The following GALNTL6 variants were observed in gnomAD, a reference collection of about 807,000 sequenced individuals.
The protein encoded by GALNTL6 is polypeptide N-acetylgalactosaminyltransferase-like 6.
Under a neutral mutation model 73.7 loss-of-function variants are expected in GALNTL6, and 46 were observed. The observed-to-expected ratio is 0.62, with a 90% CI of 0.49 to 0.80. GALNTL6 has a LOEUF of 0.80. GALNTL6 is among the 30% of genes least tolerant of loss of function. The pLI is 0.00. For missense variants in GALNTL6, 604 were observed against 755.0 expected (o/e 0.80, Z 2.34); for synonymous variants, 259 against 263.7 (o/e 0.98, Z 0.17).
chr4:172,537,657 T>C (rs181816963), intron 5 of GALNTL6, among the ~76,000 whole-genome samples: 1 of 152,240 alleles, frequency 6.6e-6, no homozygotes, highest in Non-Finnish European at 1.5e-5. Context: ...TAAGTTTTTT[T>C]TTATATTTGT....
intron 3 of GALNTL6, among the ~76,000 whole-genome samples, chr4:172,308,052 G>A (rs1158336392): frequency 1.2e-5 from 1 of 86,300 alleles, no homozygotes; most frequent in South Asian, 4.3e-4. Flanking sequence ...TGTAACAGTG[G>A]TTAAGTTGTT....
At chr4:172,546,411 G>A (rs2110887516) in intron 5 of GALNTL6, among the ~76,000 whole-genome samples, 1 of 151,682 alleles carries the variant, frequency 6.6e-6, no homozygotes, top group East Asian at 1.9e-4. Context: ...TAAAAGTCCA[G>A]ACTCTACCAC....
intron 5 of GALNTL6, among the ~76,000 whole-genome samples, chr4:172,422,605 C>T (rs1031475209): frequency 3.3e-5 from 5 of 151,854 alleles, no homozygotes; most frequent in Admixed American, 2.6e-4. Flanking sequence ...ACTTTCATGT[C>T]ATCTAGATGA....
At chr4:171,940,864 T>TAAATAAAAA (rs35996530) in intron 2 of GALNTL6, among the ~76,000 whole-genome samples, 1 of 142,246 alleles carries the variant, frequency 7.0e-6, no homozygotes, top group Non-Finnish European at 1.5e-5. Context: ...AATAAATAAA[T>TAAATAAAAA]ATATAAGTCA....
chr4:171,972,716 C>T (rs185411104), intron 2 of GALNTL6, among the ~76,000 whole-genome samples: 4 of 152,028 alleles, frequency 2.6e-5, no homozygotes, highest in African/African-American at 4.8e-5. Context: ...CTTTTTATAA[C>T]ATTAAAATTG....
At chr4:172,002,964 C>A (rs1157926313) in intron 2 of GALNTL6, among the ~76,000 whole-genome samples, 1 of 152,102 alleles carries the variant, frequency 6.6e-6, no homozygotes, top group African/African-American at 2.4e-5. Flanking sequence ...ACATGTAACA[C>A]AATTAATGGT....
At chr4:171,907,644 C>T (rs1316620556) in intron 2 of GALNTL6, among the ~76,000 whole-genome samples, 4 of 151,770 alleles carry the variant, frequency 2.6e-5, no homozygotes, top group Non-Finnish European at 5.9e-5. Flanking sequence ...GAAAAAACTA[C>T]TTTAAAGTTC....
intron 12 of GALNTL6, among the ~76,000 whole-genome samples, chr4:173,026,725 C>A (rs1000232317): frequency 6.6e-6 from 1 of 152,298 alleles, no homozygotes; most frequent in Non-Finnish European, 1.5e-5. Context: ...CTTTTTCACA[C>A]AGATTTTTAG....
At chr4:172,966,426 G>T (rs1414913916) in intron 10 of GALNTL6, among the ~76,000 whole-genome samples, 2 of 146,320 alleles carry the variant, frequency 1.4e-5, no homozygotes, top group African/African-American at 5.1e-5. Context: ...ATGGAGTTTT[G>T]CTCTGTCACG....
At chr4:172,092,784 T>C (rs555659529) in intron 2 of GALNTL6, among the ~76,000 whole-genome samples, 1 of 152,130 alleles carries the variant, frequency 6.6e-6, no homozygotes, top group East Asian at 1.9e-4. Flanking sequence ...CTTTTTACTT[T>C]TATAATATTA....
intron 5 of GALNTL6, among the ~76,000 whole-genome samples, chr4:172,656,431 C>T (rs929035677): frequency 8.5e-5 from 13 of 152,304 alleles, no homozygotes; most frequent in African/African-American, 3.1e-4. Context: ...GATGTGGCTA[C>T]AGTTTACTAC....
intron 3 of GALNTL6, among the ~76,000 whole-genome samples, chr4:172,253,970 G>A (rs1332012614): frequency 6.6e-6 from 1 of 151,656 alleles, no homozygotes; most frequent in African/African-American, 2.4e-5. Flanking sequence ...ACACTAATGG[G>A]CACTAAAATA....
At chr4:172,208,833 A>C (rs1736230881) in intron 2 of GALNTL6, among the ~76,000 whole-genome samples, 1 of 152,116 alleles carries the variant, frequency 6.6e-6, no homozygotes, top group Non-Finnish European at 1.5e-5. Context: ...GTCTCCTTTA[A>C]TCATGTCTGT....
chr4:173,000,511 A>G (rs958615736), intron 10 of GALNTL6, among the ~76,000 whole-genome samples: 1 of 152,256 alleles, frequency 6.6e-6, no homozygotes, highest in African/African-American at 2.4e-5. Context: ...GATGCAATCT[A>G]TCAAAATCTA....
chr4:172,065,933 A>G (rs1343760349), intron 2 of GALNTL6, among the ~76,000 whole-genome samples: 3 of 152,148 alleles, frequency 2.0e-5, no homozygotes, highest in Non-Finnish European at 4.4e-5. Context: ...CCATAATTCA[A>G]ATTATCTCCA....
chr4:171,864,810 A>T (rs2110884751), intron 2 of GALNTL6, among the ~76,000 whole-genome samples: 1 of 152,326 alleles, frequency 6.6e-6, no homozygotes, highest in South Asian at 2.1e-4. Context: ...TTGTCCAAAC[A>T]AAATTTGAAA....
chr4:172,387,177 A>G (rs1392321329), intron 5 of GALNTL6, among the ~76,000 whole-genome samples: 1 of 152,138 alleles, frequency 6.6e-6, no homozygotes, highest in African/African-American at 2.4e-5. Flanking sequence ...TTCAACATAG[A>G]AATTTGGAGC....
chr4:171,824,117 T>A (rs1408339907), intron 2 of GALNTL6, among the ~76,000 whole-genome samples: 3 of 119,758 alleles, frequency 2.5e-5, no homozygotes, highest in Non-Finnish European at 5.5e-5. Context: ...ATATGTAAAA[T>A]ATTACTATCT....
chr4:172,116,574 T>C (rs1297032142), intron 2 of GALNTL6, among the ~76,000 whole-genome samples: 1 of 152,156 alleles, frequency 6.6e-6, no homozygotes, highest in Non-Finnish European at 1.5e-5. Context: ...CAGGCTAAGA[T>C]TTTTAACTAC....
Sources: gnomAD v4.1 joint callset for allele counts (sites outside exome capture counted in the v4.1 genomes callset) on GRCh38, gnomAD v4.1.1 for gene constraint, MANE v1.5 for transcripts, NCBI Gene and HGNC (gene_info 2026-07-23, HGNC 2026-07-21) for gene names.